The following LRP1B variants were observed in gnomAD, a reference collection of about 807,000 sequenced individuals.
LRP1B encodes the protein low-density lipoprotein receptor-related protein 1B.
LRP1B carries 217 observed loss-of-function variants against 556.6 expected under a neutral mutation model. That is an observed-to-expected ratio of 0.39 (90% CI 0.35 to 0.44). The LOEUF is 0.44. Among genes scored for constraint, LRP1B ranks in the 20% least tolerant of loss-of-function variants. The probability of loss-of-function intolerance (pLI) is 1.00; values close to 1 mark genes in which losing one functional copy is unlikely to be tolerated. For missense variants in LRP1B, 5,053 were observed against 5,620.8 expected, an observed-to-expected ratio of 0.90 and a Z score of 3.23; for synonymous variants, 2,047 against 1,865.8, an observed-to-expected ratio of 1.10 and a Z score of -2.50.
intron 1 of LRP1B, among the ~76,000 whole-genome samples, chr2:141,877,018 T>C (rs2104885495): frequency 6.6e-6 from 1 of 152,094 alleles, no homozygotes; most frequent in African/African-American, 2.4e-5. Flanking sequence ...AGGCAAGAAA[T>C]ATTTTCATCT....
chr2:142,107,046 T>G (rs1706770643), intron 1 of LRP1B, among the ~76,000 whole-genome samples: 1 of 152,120 alleles, frequency 6.6e-6, no homozygotes, highest in African/African-American at 2.4e-5. Flanking sequence ...TAATTATAAG[T>G]GCATTTTATG....
intron 2 of LRP1B, among the ~76,000 whole-genome samples, chr2:141,623,918 G>A (rs1300248221): frequency 6.6e-6 from 1 of 150,442 alleles, no homozygotes; most frequent in Non-Finnish European, 1.5e-5. Context: ...GGGAGGCTGA[G>A]GCAGGATAAT....
intron 7 of LRP1B, among the ~76,000 whole-genome samples, chr2:141,134,200 T>A (rs1364342254): frequency 1.3e-5 from 2 of 151,938 alleles, no homozygotes; most frequent in Non-Finnish European, 2.9e-5. Context: ...TACCATGACC[T>A]CTGTATCGTA....
intron 60 of LRP1B, among the ~76,000 whole-genome samples, chr2:140,465,601 G>A (rs1182603057): frequency 2.6e-5 from 4 of 151,554 alleles, no homozygotes; most frequent in South Asian, 2.1e-4. Flanking sequence ...TATTCTTTTC[G>A]CACACTCCAC....
chr2:140,336,184 C>T (rs1485232083), intron 77 of LRP1B, among the ~76,000 whole-genome samples: 1 of 151,892 alleles, frequency 6.6e-6, no homozygotes, highest in Non-Finnish European at 1.5e-5. Context: ...AGATTAGTGG[C>T]GTAAAATGTA....
At chr2:140,922,292 ACACACG>A (rs1484077039) in intron 21 of LRP1B, among the ~76,000 whole-genome samples, 9 of 150,202 alleles carry the variant, frequency 6.0e-5, no homozygotes, top group Admixed American at 1.3e-4. Context: ...ACACACACAC[ACACACG>A]CACACACGCA....
At position 141,219,118 on chromosome 2, in the gene LRP1B, G is replaced by A. The variant is rs181619032; in HGVS notation, c.850+10065C>T. ...CTCCTTGTGAGTCCACCCCACCAGG[G>A]CCTTGGGTCCCAAACTGAGAGCTGT... On this transcript the variant is annotated intron_variant, in intron 6 of 90. Transcript: ENST00000389484. Among the ~76,000 whole-genome samples the A allele has an allele frequency of 1.8e-4, 28 of 152,272 alleles. No homozygotes were observed. The East Asian group carries it at 4.8e-3, about 26-fold the overall frequency.
Position 140,989,746 on chromosome 2 carries a change from A to G in LRP1B, c.2645-89T>C. ...TGATAGTTACAGAAAAGTTACAGTA[A>G]TAATATTATAGTACAATAAATGTCA... On this transcript the variant is annotated intron_variant, in intron 16 of 90. Coordinates refer to ENST00000389484, the MANE Select transcript of LRP1B (RefSeq NM_018557.3). 17 of 1,280,320 alleles carry G rather than the reference A, an allele frequency of 1.3e-5. No homozygotes were observed. In the South Asian group the frequency reaches 2.1e-4, roughly 15 times the overall value. The allele number at this position is 1,280,320 out of a possible 1,614,324, so 79.3% of individuals were successfully genotyped here. A position where few individuals can be genotyped will look rare whatever the true frequency, so the allele number is the denominator to read the frequency against.
intron 3 of LRP1B, among the ~76,000 whole-genome samples, chr2:141,416,933 CA>C (rs1266508366): frequency 2.0e-5 from 3 of 152,048 alleles, no homozygotes; most frequent in Non-Finnish European, 4.4e-5. Context: ...GGAAAGATTC[CA>C]CTGGGGAACA....
At chr2:141,047,052 A>AGACTCT (rs755912213) in intron 11 of LRP1B, among the ~76,000 whole-genome samples, 5 of 142,948 alleles carry the variant, frequency 3.5e-5, no homozygotes, top group African/African-American at 1.0e-4. Flanking sequence ...ACTGCACAAA[A>AGACTCT]ATTAATAATA....
chr2:140,353,096 G>GCAT (rs760800167), intron 75 of LRP1B, 24 bp from the exon 76 acceptor site: 1 of 1,610,866 alleles, frequency 6.2e-7, no homozygotes, highest in South Asian at 1.1e-5. Flanking sequence ...GCTCAAAATA[G>GCAT]CATCATCATA....
At chr2:141,378,894 G>C (rs1372270478) in intron 3 of LRP1B, among the ~76,000 whole-genome samples, 1 of 152,144 alleles carries the variant, frequency 6.6e-6, no homozygotes, top group East Asian at 1.9e-4. Flanking sequence ...CCACCGAGCA[G>C]ACAACCACTC....
intron 1 of LRP1B, among the ~76,000 whole-genome samples, chr2:141,913,079 T>TCC (rs1478323281): frequency 1.3e-5 from 2 of 152,284 alleles, no homozygotes; most frequent in East Asian, 3.9e-4. Context: ...ATGTTTTGCC[T>TCC]CCCCTCTAGG....
intron 2 of LRP1B, among the ~76,000 whole-genome samples, chr2:141,639,349 T>TATATATATACATACACAC (rs1262198983): frequency 7.1e-5 from 4 of 56,110 alleles, no homozygotes; most frequent in African/African-American, 2.7e-4. Context: ...TATATATATA[T>TATATATATACATACACAC]ACACACACAC....
chr2:141,776,641 T>C (rs1574347897), intron 2 of LRP1B, among the ~76,000 whole-genome samples: 2 of 152,348 alleles, frequency 1.3e-5, no homozygotes, highest in Admixed American at 1.3e-4. Context: ...GAGCACTGTT[T>C]GAACTTTGGG....
At chr2:141,365,759 G>T (rs1361536653) in intron 3 of LRP1B, among the ~76,000 whole-genome samples, 17 of 147,718 alleles carry the variant, frequency 1.2e-4, no homozygotes, top group African/African-American at 2.5e-5. Flanking sequence ...TGCAAGATCC[G>T]CCTCCCGGGT....
chr2:141,203,073 C>A (rs764286799), intron 6 of LRP1B, among the ~76,000 whole-genome samples: 2 of 151,956 alleles, frequency 1.3e-5, no homozygotes, highest in African/African-American at 2.4e-5. Context: ...TGGTACCAGC[C>A]GCTGCAAAAA....
chr2:142,107,403 T>G (rs1358991575), intron 1 of LRP1B, among the ~76,000 whole-genome samples: 1 of 152,114 alleles, frequency 6.6e-6, no homozygotes, highest in Non-Finnish European at 1.5e-5. Flanking sequence ...TTGGTCCCCT[T>G]CTGTCCTTTT....
chr2:140,388,046 C>A (rs1271486080), intron 66 of LRP1B, among the ~76,000 whole-genome samples: 1 of 151,542 alleles, frequency 6.6e-6, no homozygotes, highest in Admixed American at 6.6e-5. Context: ...AAGTGATTCT[C>A]CTGCCTCAGC....
Sources: allele counts gnomAD v4.1 joint callset (sites outside exome capture counted in the v4.1 genomes callset), GRCh38; gene constraint gnomAD v4.1.1; transcripts MANE v1.5; gene names NCBI Gene and HGNC (gene_info 2026-07-23, HGNC 2026-07-21).